Variants in RPS15A observed in about 807,000 individuals in gnomAD.
The protein encoded by RPS15A is ribosomal protein S15a.
For missense variants in RPS15A, 62 were observed against 163.4 expected, an observed-to-expected ratio of 0.38 and a Z score of 3.38; for synonymous variants, 55 against 58.5, an observed-to-expected ratio of 0.94 and a Z score of 0.27.
intron 1 of RPS15A, chr16:18,789,923 C>T (rs982235612): frequency 3.3e-5 from 5 of 152,314 alleles, no homozygotes; most frequent in African/African-American, 9.6e-5. Flanking sequence ...GCCTCCCAAG[C>T]TCCCAGCGCG....
intron 4 of RPS15A, chr16:18,783,812 G>A (rs1185978087): frequency 2.4e-6 from 1 of 420,098 alleles, no homozygotes; most frequent in Non-Finnish European, 4.8e-6. Context: ...CACTTTTACG[G>A]ATGAAGAAAT....
intron 4 of RPS15A, chr16:18,783,436 C>T (rs771002353): frequency 4.1e-5 from 14 of 345,626 alleles, no homozygotes; most frequent in Non-Finnish European, 6.7e-5. Flanking sequence ...TGAAAGTATT[C>T]GTATAAACTT....
intron 2 of RPS15A, 73 bp from the exon 3 acceptor site, chr16:18,788,215 T>C: frequency 1.1e-6 from 1 of 942,348 alleles, no homozygotes; most frequent in Non-Finnish European, 1.7e-6. Flanking sequence ...TCTAGCCTAC[T>C]CAATTCTTCA....
chr16:18,786,690 G>T (rs2029891323), intron 3 of RPS15A: 2 of 152,054 alleles, frequency 1.3e-5, no homozygotes, highest in African/African-American at 4.8e-5. Flanking sequence ...GCTGAGGTGG[G>T]AGGATGGCTT....
intron 2 of RPS15A, chr16:18,788,493 C>CTT (rs1209438434): frequency 6.1e-4 from 110 of 180,684 alleles, no homozygotes; most frequent in South Asian, 1.7e-3. Flanking sequence ...TCCTTTCTTT[C>CTT]TTTTTTTTTT....
intron 4 of RPS15A, 78 bp downstream of exon 4, chr16:18,784,660 G>GA: frequency 7.8e-6 from 9 of 1,147,700 alleles, no homozygotes; most frequent in Non-Finnish European, 1.1e-5. Flanking sequence ...CAGAAAAAAA[G>GA]AAAAAAACCC....
chr16:18,789,427 C>T (rs1296333332), intron 1 of RPS15A, among the ~76,000 whole-genome samples: 1 of 152,230 alleles, frequency 6.6e-6, no homozygotes, highest in Non-Finnish European at 1.5e-5. Context: ...ATCCACTTGA[C>T]ACAAGACAAC....
intron 3 of RPS15A, among the ~76,000 whole-genome samples, chr16:18,787,136 T>C (rs1298542503): frequency 6.6e-6 from 1 of 152,252 alleles, no homozygotes; most frequent in Admixed American, 6.5e-5. Context: ...GTGCTGGGAT[T>C]ACAGGCGTGA....
chr16:18,784,964 A>G, intron 3 of RPS15A, 141 bp from the exon 4 acceptor site: 1 of 604,026 alleles, frequency 1.7e-6, no homozygotes, highest in Non-Finnish European at 2.8e-6. Context: ...TTCTGTGCAC[A>G]ATGCTTGACA....
At chr16:18,784,875 A>G in intron 3 of RPS15A, 52 bp from the exon 4 acceptor site, 1 of 1,391,048 alleles carries the variant, frequency 7.2e-7, no homozygotes, top group Non-Finnish European at 1.0e-6. Flanking sequence ...CAATAACAGA[A>G]AAACTGAGTA....
Position 18,782,780 on chromosome 16 carries a change from C to A in RPS15A, c.*229G>T. On this transcript the variant is annotated 3_prime_UTR_variant, in exon 5 of 5. Coordinates refer to ENST00000322989, the MANE Select transcript of RPS15A (RefSeq NM_001019.5). ...CAACTAAAATATTTAGTGTCAAATA[C>A]CTGGTTTTGGCAGACAGCAGGGGTG... is the stretch of plus-strand genomic sequence containing the variant. 5.5e-6 allele frequency: 2 copies of A among 364,878 alleles called. No individual in the cohort carries two copies. The highest frequency in any genetic ancestry group is 6.9e-5 in the South Asian group (1 of 14,444). The allele number at this position is 364,878 out of a possible 1,614,324, so 22.6% of individuals were successfully genotyped here. A position where few individuals can be genotyped will look rare whatever the true frequency, so the allele number is the denominator to read the frequency against.
intron 2 of RPS15A, among the ~76,000 whole-genome samples, chr16:18,788,353 C>T (rs2029934845): frequency 6.6e-6 from 1 of 152,216 alleles, no homozygotes; most frequent in South Asian, 2.1e-4. Context: ...ATCCACCTTG[C>T]AATTCTGAAA....
chr16:18,783,595 A>G (rs551030910), intron 4 of RPS15A: 1 of 452,894 alleles, frequency 2.2e-6, no homozygotes, highest in Admixed American at 2.4e-5. Context: ...CATTAAAATC[A>G]GTATCATAAT....
intron 2 of RPS15A, 105 bp downstream of exon 2, chr16:18,788,876 T>C (rs1349444978): frequency 8.3e-7 from 1 of 1,208,308 alleles, no homozygotes; most frequent in African/African-American, 1.5e-5. Context: ...GCATTCGTTC[T>C]CAGGTATGAC....
At chr16:18,788,467 G>T in intron 2 of RPS15A, 1 of 295,340 alleles carries the variant, frequency 3.4e-6, no homozygotes, top group Non-Finnish European at 6.3e-6. Context: ...AAAGAGCTCT[G>T]AGAAGATCTC....
Position 18,789,107 on chromosome 16 carries a change from G to A in RPS15A, c.7C>T (p.Arg3Cys), listed in dbSNP as rs1487146813. The change falls in exon 2 of 5, where the codon CGC becomes TGC. Residue 3 changes from arginine to cysteine, a missense_variant. By Grantham distance (180) the Arg-to-Cys change is radical (BLOSUM62 -3). Coordinates refer to ENST00000322989, the MANE Select transcript of RPS15A (RefSeq NM_001019.5). MV[R>C]MNVLADALKS... ...AGAGCATCTGCCAGGACATTCATGC[G>A]CACCATTGTGGCTGTTCAAGGAAGA... The A allele has an allele frequency of 1.9e-6, 3 of 1,612,468 alleles. No homozygotes were observed. Among genetic ancestry groups the A allele is most frequent in the Non-Finnish European group, 2.5e-6 (3 of 1,179,448 alleles).
intron 1 of RPS15A, 72 bp from the exon 2 acceptor site, chr16:18,789,190 CG>C: frequency 7.0e-7 from 1 of 1,429,364 alleles, no homozygotes. Context: ...CATTACACTG[CG>C]GAAGTATCCT....
At chr16:18,788,388 CCTTCACT>C (rs759528085) in intron 2 of RPS15A, among the ~76,000 whole-genome samples, 5 of 152,338 alleles carry the variant, frequency 3.3e-5, no homozygotes, top group Non-Finnish European at 7.3e-5. Context: ...CTTGACCCTT[CCTTCACT>C]GCTTCCCATT....
At chr16:18,788,273 A>G (rs2029932806) in intron 2 of RPS15A, 131 bp from the exon 3 acceptor site, 5 of 651,100 alleles carry the variant, frequency 7.7e-6, no homozygotes, top group Non-Finnish European at 1.4e-5. Flanking sequence ...TGGGGGGAAG[A>G]CAGTTGCTCT....
Sources: gnomAD v4.1 joint callset for allele counts (sites outside exome capture counted in the v4.1 genomes callset) on GRCh38, gnomAD v4.1.1 for gene constraint, MANE v1.5 for transcripts, NCBI Gene and HGNC (gene_info 2026-07-23, HGNC 2026-07-21) for gene names.